The following DAB1 variants were observed in gnomAD, a reference collection of about 807,000 sequenced individuals.
The protein encoded by DAB1 is disabled homolog 1.
A neutral mutation model predicts 64.6 loss-of-function variants in DAB1; 15 were observed. The ratio of observed to expected loss-of-function variants is 0.23; its 90% CI spans 0.16 to 0.36. The LOEUF is 0.36. Ranked by LOEUF, DAB1 falls within the 10% of genes least tolerant of loss-of-function variation. The pLI is 1.00. For missense variants in DAB1, 596 were observed against 706.7 expected (o/e 0.84, Z 1.78); for synonymous variants, 235 against 251.9 (o/e 0.93, Z 0.64).
chr1:58,256,998 G>A (rs1269051666), intron 4 of DAB1, among the ~76,000 whole-genome samples: 1 of 152,156 alleles, frequency 6.6e-6, no homozygotes, highest in Admixed American at 6.5e-5. Flanking sequence ...ATTTCACAAG[G>A]GGATTTATGT....
chr1:57,536,790 A>C (rs951038606), intron 7 of DAB1, among the ~76,000 whole-genome samples: 13 of 143,846 alleles, frequency 9.0e-5, no homozygotes, highest in East Asian at 2.1e-4. Context: ...CCCCACTCCC[A>C]CCCCCGCCAG....
chr1:57,791,591 C>G (rs1474687936), intron 6 of DAB1, among the ~76,000 whole-genome samples: 1 of 152,104 alleles, frequency 6.6e-6, no homozygotes, highest in African/African-American at 2.4e-5. Context: ...TAATAACCAC[C>G]TTGCAGAGTA....
rs570905486 is a variant in DAB1, at chr1:57,094,991, C to T, written c.307-22577G>A. ...ACCTCATTCATGTTGACTTTGCTCACTTTCAACCTCTTGATGACTTCCTGT... is the reference window on the plus strand; with the variant it reads ...ACCTCATTCATGTTGACTTTGCTCATTTTCAACCTCTTGATGACTTCCTGT... On this transcript the variant is annotated intron_variant, in intron 4 of 14. Transcript: ENST00000371236. Among the ~76,000 whole-genome samples the T allele has an allele frequency of 2.6e-5, 4 of 152,352 alleles. No homozygotes were observed. The East Asian group carries it at 5.8e-4, about 22-fold the overall frequency.
At chr1:58,334,524 G>A (rs1400974423) in intron 4 of DAB1, among the ~76,000 whole-genome samples, 3 of 151,210 alleles carry the variant, frequency 2.0e-5, no homozygotes, top group Admixed American at 2.0e-4. Context: ...ACCATCATGG[G>A]TTAAGGAGGT....
chr1:57,522,322 T>A (rs1170702263), intron 7 of DAB1, among the ~76,000 whole-genome samples: 1 of 152,134 alleles, frequency 6.6e-6, no homozygotes, highest in Non-Finnish European at 1.5e-5. Context: ...AAAGGTCTAT[T>A]TGGTAGCTCC....
At chr1:57,651,377 C>G (rs1021833276) in intron 6 of DAB1, among the ~76,000 whole-genome samples, 1 of 151,982 alleles carries the variant, frequency 6.6e-6, no homozygotes, top group African/African-American at 2.4e-5. Context: ...TAGTTTTAAT[C>G]AGAAATGAAT....
At chr1:58,526,150 A>T (rs1646346782) in intron 2 of DAB1, among the ~76,000 whole-genome samples, 1 of 152,148 alleles carries the variant, frequency 6.6e-6, no homozygotes, top group Non-Finnish European at 1.5e-5. Flanking sequence ...AAAATCTGAC[A>T]GACTGGAGTA....
At position 58,490,442 on chromosome 1, in the gene DAB1, T is replaced by G. The variant is rs543662665; in HGVS notation, n.257+15618A>C. Among the ~76,000 whole-genome samples the G allele has an allele frequency of 4.3e-3, 649 of 152,168 alleles. 6 individuals are homozygous for G. The highest frequency in any genetic ancestry group is 0.015 in the African/African-American group (621 of 41,530). ...AGCCTCCAAGAAATATGGGACTATGTGAAAAGACCAAATCTACATCTGATT... is the reference window on the plus strand; with the variant it reads ...AGCCTCCAAGAAATATGGGACTATGGGAAAAGACCAAATCTACATCTGATT... On this transcript the variant is annotated intron_variant and non_coding_transcript_variant, in intron 3 of 20. Transcript: ENST00000485760.
At chr1:58,132,236 C>T (rs1466472506) in intron 5 of DAB1, among the ~76,000 whole-genome samples, 3 of 152,166 alleles carry the variant, frequency 2.0e-5, no homozygotes, top group Non-Finnish European at 2.9e-5. Context: ...TGCGGTCCGT[C>T]AGCGATTTCT....
chr1:57,985,660 T>C (rs1042629238), intron 5 of DAB1, among the ~76,000 whole-genome samples: 2 of 144,020 alleles, frequency 1.4e-5, no homozygotes, highest in Non-Finnish European at 3.0e-5. Context: ...AAAAAAAAAA[T>C]GGCTGTGAGT....
At chr1:58,059,227 G>A (rs867222742) in intron 5 of DAB1, among the ~76,000 whole-genome samples, 2 of 152,334 alleles carry the variant, frequency 1.3e-5, no homozygotes, top group Middle Eastern at 3.4e-3. Flanking sequence ...GGGTGGCCAT[G>A]AGCATGGGCT....
chr1:58,046,531 A>G (rs182737276), intron 5 of DAB1, among the ~76,000 whole-genome samples: 1 of 152,298 alleles, frequency 6.6e-6, no homozygotes, highest in African/African-American at 2.4e-5. Flanking sequence ...GGATGTGAGT[A>G]AAGTACAATG....
chr1:58,371,877 G>C (rs1210264202), intron 3 of DAB1, among the ~76,000 whole-genome samples: 3 of 152,182 alleles, frequency 2.0e-5, no homozygotes, highest in East Asian at 3.9e-4. Context: ...CAAGAGTTGA[G>C]CTTTTGGAAC....
intron 5 of DAB1, among the ~76,000 whole-genome samples, chr1:58,020,857 G>T (rs1294261452): frequency 6.6e-6 from 1 of 152,074 alleles, no homozygotes; most frequent in African/African-American, 2.4e-5. Flanking sequence ...ACAAAAATTA[G>T]CCAGGGGTGA....
chr1:58,274,526 G>C (rs1475184525), intron 4 of DAB1, among the ~76,000 whole-genome samples: 1 of 138,516 alleles, frequency 7.2e-6, no homozygotes, highest in Non-Finnish European at 1.6e-5. Context: ...AGCTGTGGTG[G>C]GCTCCACCCA....
rs1648086826 is a variant in DAB1 at position 58,056,312 on chromosome 1, T to C, written n.387+94199A>G. On this transcript the variant is annotated intron_variant and non_coding_transcript_variant, in intron 5 of 20. Transcript: ENST00000485760. ...GGAAGCACATAGGCATCGAAGACGC[T>C]CGCTTCAGAAATGTCCCTGACTGCT... 6 of 1,538,638 alleles carry C rather than the reference T, an allele frequency of 3.9e-6. No individual in the cohort carries two copies. In the East Asian group the frequency reaches 1.3e-4, roughly 34 times the overall value.
At chr1:57,520,102 G>C (rs940847484) in intron 7 of DAB1, among the ~76,000 whole-genome samples, 1 of 152,172 alleles carries the variant, frequency 6.6e-6, no homozygotes, top group Non-Finnish European at 1.5e-5. Context: ...TTTCTTTGCA[G>C]GCAATAACAT....
rs951430387 is a variant in DAB1 at position 56,995,047 on chromosome 1, A to G, written c.*3097T>C. On this transcript the variant is annotated 3_prime_UTR_variant, in exon 15 of 15. Transcript: ENST00000371236. Reference sequence around the variant, plus strand: ...GAAATGAACCAAACCCACAGAGTAAACATTTGTTTAAAAGAAGGTGCCCAG... The same window carrying G: ...GAAATGAACCAAACCCACAGAGTAAGCATTTGTTTAAAAGAAGGTGCCCAG... 5 of 152,160 alleles carry G rather than the reference A, an allele frequency of 3.3e-5. No individual in the cohort carries two copies. Among genetic ancestry groups the G allele is most frequent in the Non-Finnish European group, 7.3e-5 (5 of 68,028 alleles). The allele number at this position is 152,160 out of a possible 1,614,324, so 9.4% of individuals were successfully genotyped here. A position where few individuals can be genotyped will look rare whatever the true frequency, so the allele number is the denominator to read the frequency against.
At chr1:57,846,819 G>A (rs190089198) in intron 1 of DAB1, among the ~76,000 whole-genome samples, 29 of 152,308 alleles carry the variant, frequency 1.9e-4, no homozygotes, top group African/African-American at 4.3e-4. Context: ...GTGCACGTGC[G>A]TGCACACACA....
Sources: gnomAD v4.1 joint callset for allele counts (sites outside exome capture counted in the v4.1 genomes callset) on GRCh38, gnomAD v4.1.1 for gene constraint, MANE v1.5 for transcripts, NCBI Gene and HGNC (gene_info 2026-07-23, HGNC 2026-07-21) for gene names.